ARHGEF26: variants seen among roughly 807,000 people sequenced by gnomAD.
ARHGEF26 encodes Rho guanine nucleotide exchange factor 26.
A neutral mutation model predicts 89.4 loss-of-function variants in ARHGEF26; 59 were observed. That is an observed-to-expected ratio of 0.66 (90% CI 0.54 to 0.82). The LOEUF is 0.82. Ranked by LOEUF, ARHGEF26 falls within the 40% of genes least tolerant of loss-of-function variation. ARHGEF26 has a pLI of 0.00. For missense variants in ARHGEF26, 1,234 were observed against 1,085.6 expected (o/e 1.14, Z -1.92); for synonymous variants, 500 against 428.4 (o/e 1.17, Z -2.06).
chr3:154,245,217 G>T (rs1050260299), intron 12 of ARHGEF26, among the ~76,000 whole-genome samples: 1 of 151,934 alleles, frequency 6.6e-6, no homozygotes, highest in East Asian at 1.9e-4. Context: ...TAGTAGAGAC[G>T]GGGTTTCACC....
At chr3:154,140,440 G>A (rs1348049361) in intron 4 of ARHGEF26, among the ~76,000 whole-genome samples, 1 of 152,144 alleles carries the variant, frequency 6.6e-6, no homozygotes, top group Non-Finnish European at 1.5e-5. Flanking sequence ...GGAAGAGCAG[G>A]AACTATGTTT....
intron 6 of ARHGEF26, among the ~76,000 whole-genome samples, chr3:154,171,860 G>A (rs1712461491): frequency 6.6e-6 from 1 of 152,114 alleles, no homozygotes; most frequent in African/African-American, 2.4e-5. Flanking sequence ...AAGATATTGA[G>A]AAGTTGGGGG....
intron 5 of ARHGEF26, among the ~76,000 whole-genome samples, chr3:154,150,592 CTCTAG>C (rs1276481457): frequency 7.9e-5 from 12 of 152,180 alleles, no homozygotes; most frequent in Non-Finnish European, 1.6e-4. Flanking sequence ...TCATATAGTA[CTCTAG>C]TCTATGAACA....
At chr3:154,197,071 G>A (rs142253740) in intron 9 of ARHGEF26, among the ~76,000 whole-genome samples, 109 of 152,122 alleles carry the variant, frequency 7.2e-4, no homozygotes, top group Middle Eastern at 3.4e-3. Context: ...GGAAAGGCTG[G>A]CAAAAATGTA....
At chr3:154,180,748 A>G (rs1255161750) in intron 6 of ARHGEF26, among the ~76,000 whole-genome samples, 1 of 142,870 alleles carries the variant, frequency 7.0e-6, no homozygotes, top group Non-Finnish European at 1.5e-5. Flanking sequence ...ATAAAATTTC[A>G]GAAGAAAAGG....
rs1211241419 is a variant in ARHGEF26 at position 154,122,133 on chromosome 3, A to G, written c.141A>G (p.Leu47=). The G allele has an allele frequency of 6.2e-7, 1 of 1,605,530 alleles. No individual in the cohort carries two copies. Among genetic ancestry groups the G allele is most frequent in the Non-Finnish European group, 8.5e-7 (1 of 1,176,046 alleles). Residue 47 remains leucine, a synonymous_variant, in exon 2 of 15, where the codon CTA becomes CTG. Coordinates refer to ENST00000465093, the MANE Select transcript of ARHGEF26 (RefSeq NM_015595.4). ...PQSYQSPNGL[L]ITDFPVEDGG... is the part of the protein sequence containing the mutation. ...CCTACCAGAGCCCCAACGGGTTACT[A>G]ATTACGGATTTCCCGGTGGAGGACG...
chr3:154,220,938 T>C (rs141702282), intron 10 of ARHGEF26, among the ~76,000 whole-genome samples: 5 of 151,688 alleles, frequency 3.3e-5, no homozygotes, highest in African/African-American at 7.3e-5. Flanking sequence ...AGGGTAAATA[T>C]CCCCGATGTA....
chr3:154,139,660 G>A (rs1052418813), intron 4 of ARHGEF26, among the ~76,000 whole-genome samples: 1 of 152,136 alleles, frequency 6.6e-6, no homozygotes, highest in Non-Finnish European at 1.5e-5. Context: ...CATCCACACA[G>A]TGGTTGGTCT....
At position 154,191,322 on chromosome 3, in the gene ARHGEF26, A is replaced by G. The variant is rs745458189; in HGVS notation, c.1674A>G (p.Ser558=). The G allele has an allele frequency of 3.7e-6, 6 of 1,613,186 alleles. No homozygotes were observed. In the East Asian group the frequency reaches 1.3e-4, roughly 36 times the overall value. ...ATNPSFKEVL[S]RIESHEDCRN... Reference sequence around the variant, plus strand: ...ATCCATCCTTTAAGGAAGTATTGTCAAGGATTGAGTCCCATGAAGACTGTA... The same window carrying G: ...ATCCATCCTTTAAGGAAGTATTGTCGAGGATTGAGTCCCATGAAGACTGTA... The change falls in exon 8 of 15, where the codon TCA becomes TCG. Residue 558 remains serine (S), a synonymous_variant. Coordinates refer to ENST00000465093, the MANE Select transcript of ARHGEF26 (RefSeq NM_015595.4).
chr3:154,244,758 T>C (rs982266107), intron 12 of ARHGEF26, among the ~76,000 whole-genome samples: 3 of 152,042 alleles, frequency 2.0e-5, no homozygotes, highest in South Asian at 2.1e-4. Context: ...TCTTCCCCCA[T>C]GTGAAGTGAC....
At chr3:154,189,861 T>C (rs1713838933) in intron 7 of ARHGEF26, among the ~76,000 whole-genome samples, 1 of 151,844 alleles carries the variant, frequency 6.6e-6, no homozygotes. Flanking sequence ...TCTAAAAATC[T>C]TGTCAAAGCT....
chr3:154,199,142 C>T (rs1310499658), intron 9 of ARHGEF26, among the ~76,000 whole-genome samples: 3 of 151,812 alleles, frequency 2.0e-5, no homozygotes, highest in Admixed American at 2.0e-4. Flanking sequence ...TCACATAGAT[C>T]ATATAGTAGG....
At chr3:154,196,976 T>G (rs1031475219) in intron 9 of ARHGEF26, among the ~76,000 whole-genome samples, 6 of 152,190 alleles carry the variant, frequency 3.9e-5, no homozygotes, top group African/African-American at 1.4e-4. Context: ...TTAATTTTTT[T>G]CAAGAATTTT....
At chr3:154,249,041 T>C (rs1256287845) in intron 12 of ARHGEF26, among the ~76,000 whole-genome samples, 5 of 152,194 alleles carry the variant, frequency 3.3e-5, no homozygotes, top group African/African-American at 1.2e-4. Context: ...CACAGGTAAA[T>C]GTGTAGGCTG....
At chr3:154,196,250 T>C (rs555879003) in intron 9 of ARHGEF26, among the ~76,000 whole-genome samples, 5 of 151,924 alleles carry the variant, frequency 3.3e-5, no homozygotes, top group Non-Finnish European at 5.9e-5. Context: ...TGAGAGAGGG[T>C]CTTCGTTAGT....
At chr3:154,244,896 C>T (rs1280162017) in intron 12 of ARHGEF26, among the ~76,000 whole-genome samples, 1 of 147,714 alleles carries the variant, frequency 6.8e-6, no homozygotes, top group Admixed American at 7.0e-5. Flanking sequence ...AACCAGTAGG[C>T]TGTTCCACCC....
At position 154,156,524 on chromosome 3, in the gene ARHGEF26, ATC is replaced by A. The variant is rs1291942074; in HGVS notation, c.1487+3596_1487+3597del. Among the ~76,000 whole-genome samples, 12 of 152,224 alleles carry A rather than the reference ATC, an allele frequency of 7.9e-5. No homozygotes were observed. In the East Asian group the frequency reaches 1.5e-3, roughly 20 times the overall value. On this transcript the variant is annotated intron_variant, in intron 6 of 14. Coordinates refer to ENST00000465093, the MANE Select transcript of ARHGEF26 (RefSeq NM_015595.4). ...GGATATCTGCCTTTGTAATAATTTG[ATC>A]TCTGTTATATTTCAACTAGGAATGT...
At chr3:154,179,509 T>A in intron 6 of ARHGEF26, among the ~76,000 whole-genome samples, 1 of 149,948 alleles carries the variant, frequency 6.7e-6, no homozygotes, top group East Asian at 1.9e-4. Flanking sequence ...TTGAGGGAAT[T>A]GAACAGAGAG....
intron 9 of ARHGEF26, among the ~76,000 whole-genome samples, chr3:154,201,689 T>C (rs199535762): frequency 0.011 from 1,591 of 151,332 alleles, 19 homozygotes; most frequent in African/African-American, 0.036. Flanking sequence ...TTTTAATGAT[T>C]GCCATTCTAA....
Sources: gnomAD v4.1 joint callset for allele counts (sites outside exome capture counted in the v4.1 genomes callset) on GRCh38, gnomAD v4.1.1 for gene constraint, MANE v1.5 for transcripts, NCBI Gene and HGNC (gene_info 2026-07-23, HGNC 2026-07-21) for gene names.